SRSF11: variants seen among roughly 807,000 people sequenced by gnomAD.
SRSF11 encodes the protein serine and arginine rich splicing factor 11, also known as serine/arginine-rich splicing factor 11.
A neutral mutation model predicts 56.0 loss-of-function variants in SRSF11; 9 were observed. That is an observed-to-expected ratio of 0.16 (90% CI 0.10 to 0.28). The LOEUF (loss-of-function observed/expected upper bound fraction) is 0.28, where lower values mean the gene tolerates loss of function less well. Among genes scored for constraint, SRSF11 ranks in the 10% least tolerant of loss-of-function variants. The probability of loss-of-function intolerance (pLI) is 1.00; values close to 1 mark genes in which losing one functional copy is unlikely to be tolerated. For synonymous variants in SRSF11, 222 were observed against 215.3 expected (o/e 1.03, Z -0.27); for missense variants, 421 against 600.7 (o/e 0.70, Z 3.13).
chr1:70,213,559 G>T (rs1669753794), intron 1 of SRSF11, among the ~76,000 whole-genome samples: 1 of 152,144 alleles, frequency 6.6e-6, no homozygotes, highest in Non-Finnish European at 1.5e-5. Context: ...ACAGGCTTTG[G>T]AGTGAGATGT....
At chr1:70,214,490 A>G (rs1394203669) in intron 1 of SRSF11, among the ~76,000 whole-genome samples, 1 of 152,198 alleles carries the variant, frequency 6.6e-6, no homozygotes, top group Non-Finnish European at 1.5e-5. Flanking sequence ...ATCATAAAAC[A>G]AAGTTGAAAA....
chr1:70,230,230 A>G (rs1311342113), intron 2 of SRSF11: 15 of 991,100 alleles, frequency 1.5e-5, no homozygotes, highest in Non-Finnish European at 1.8e-5. Flanking sequence ...TTAGGAATAT[A>G]CAGTATATAG....
intron 2 of SRSF11, chr1:70,230,733 A>T: frequency 8.5e-7 from 1 of 1,182,732 alleles, no homozygotes; most frequent in Non-Finnish European, 1.1e-6. Flanking sequence ...ATCTTCTATC[A>T]GGTGTCTCAC....
In SRSF11 at chr1:70,246,785, C is replaced by T. The variant is rs377476762; in HGVS notation, c.933-33C>T. Reference sequence around the variant, plus strand: ...TATAAATTGGCATCAGCTGAGTCTTCTAATGCATTCATAAATTGTGTTCAT... The same window carrying T: ...TATAAATTGGCATCAGCTGAGTCTTTTAATGCATTCATAAATTGTGTTCAT... On this transcript the variant is annotated intron_variant, in intron 8 of 11. Transcript: ENST00000370949. 1.7e-3 allele frequency: 2,559 copies of T among 1,479,990 alleles called. 6 individuals carry two copies. The highest frequency in any genetic ancestry group is 2.3e-3 in the Non-Finnish European group (2,409 of 1,068,260). The allele number at this position is 1,479,990 out of a possible 1,614,324, so 91.7% of individuals were successfully genotyped here.
intron 1 of SRSF11, 144 bp downstream of exon 1, chr1:70,221,983 T>C (rs1051805186): frequency 1.5e-4 from 206 of 1,417,740 alleles, no homozygotes; most frequent in Non-Finnish European, 1.8e-4. Flanking sequence ...TTAAGACGGT[T>C]GTGTTCCAGG....
At chr1:70,231,322 A>T (rs1672801541) in intron 2 of SRSF11, 1 of 1,155,200 alleles carries the variant, frequency 8.7e-7, no homozygotes, top group South Asian at 1.9e-5. Flanking sequence ...GGGCACATTA[A>T]CAGATTAATC....
chr1:70,246,193 T>C (rs1411472622), intron 8 of SRSF11, among the ~76,000 whole-genome samples: 1 of 152,060 alleles, frequency 6.6e-6, no homozygotes, highest in Admixed American at 6.6e-5. Flanking sequence ...ACTCTTTGCT[T>C]AGAGTCTTGG....
At chr1:70,221,168 A>T (rs1216261763), upstream of SRSF11, 2 of 157,468 alleles carry the variant, frequency 1.3e-5, no homozygotes, top group African/African-American at 4.8e-5. Context: ...TTTTTTAAAA[A>T]AAAAGTTTAT....
chr1:70,228,164 A>C (rs1383588170), intron 1 of SRSF11, among the ~76,000 whole-genome samples: 1 of 152,212 alleles, frequency 6.6e-6, no homozygotes. Context: ...AGTCTCTGAG[A>C]CTTCAGTACC....
chr1:70,221,560 G>A lies in SRSF11; in HGVS notation c.-77G>A, dbSNP rs1670627548. ...ACACCCTCCTCTCTCCCGCAATCCG[G>A]TTCCTCTTCCCCCTCCTTCTCACTG... is the stretch of plus-strand genomic sequence containing the variant. On this transcript the variant is annotated 5_prime_UTR_variant, in exon 1 of 12. Transcript: ENST00000370949. 12 of 1,521,568 alleles carry A rather than the reference G, an allele frequency of 7.9e-6. No individual in the cohort carries two copies. The highest frequency in any genetic ancestry group is 1.3e-5 in the South Asian group (1 of 76,784). The allele number at this position is 1,521,568 out of a possible 1,614,324, so 94.3% of individuals were successfully genotyped here.
At position 70,239,302 on chromosome 1, in the gene SRSF11, G is replaced by A. The variant is rs961621167; in HGVS notation, c.719-137G>A. 12 of 603,968 alleles carry A rather than the reference G, an allele frequency of 2.0e-5. No individual in the cohort carries two copies. The African/African-American group carries it at 2.3e-4, about 12-fold the overall frequency. The allele number at this position is 603,968 out of a possible 1,614,324, so 37.4% of individuals were successfully genotyped here. On this transcript the variant is annotated intron_variant, in intron 6 of 11. Transcript: ENST00000370949. Reference sequence around the variant, plus strand: ...AGATGAGGCCTCACTATATTGCCCAGGCTGGTCTTGAACTCCTGGACTGAA... The same window carrying A: ...AGATGAGGCCTCACTATATTGCCCAAGCTGGTCTTGAACTCCTGGACTGAA...
At chr1:70,215,514 TA>T (rs1334599094) in intron 1 of SRSF11, among the ~76,000 whole-genome samples, 1 of 152,200 alleles carries the variant, frequency 6.6e-6, no homozygotes, top group Non-Finnish European at 1.5e-5. Context: ...TCCAGTATGA[TA>T]TTGTTAGGTA....
At chr1:70,207,521 C>CT (rs996918724) in intron 1 of SRSF11, among the ~76,000 whole-genome samples, 4 of 147,316 alleles carry the variant, frequency 2.7e-5, no homozygotes, top group Admixed American at 6.8e-5. Context: ...TCCCAACTTG[C>CT]TTTTTTTTTT....
At chr1:70,223,212 A>G (rs531644645) in intron 1 of SRSF11, among the ~76,000 whole-genome samples, 112 of 152,342 alleles carry the variant, frequency 7.4e-4, no homozygotes, top group Non-Finnish European at 8.2e-4. Context: ...TGATTTTAAT[A>G]GTTTTATTAG....
upstream of SRSF11, among the ~76,000 whole-genome samples, chr1:70,218,406 C>T (rs1670215739): frequency 6.6e-6 from 1 of 152,176 alleles, no homozygotes; most frequent in Admixed American, 6.5e-5. Flanking sequence ...CACTTAGTTT[C>T]TCTATAGCAA....
Position 70,250,905 on chromosome 1 carries a change from A to G in SRSF11, c.*100A>G. 9.7e-7 allele frequency: 1 copy of G among 1,028,534 alleles called. No individual in the cohort carries two copies. Among genetic ancestry groups the G allele is most frequent in the Non-Finnish European group, 1.5e-6 (1 of 679,670 alleles). 63.7% of individuals were successfully genotyped at this position (1,028,534 alleles called of 1,614,324 possible). On this transcript the variant is annotated 3_prime_UTR_variant, in exon 12 of 12. Coordinates refer to ENST00000370949, the MANE Select transcript of SRSF11 (RefSeq NM_001350605.2). ...TTGTTCATCTCAAACCTAGATGTATACAGCTCTGAGTTATAAATGGTTATA... is the reference window on the plus strand; with the variant it reads ...TTGTTCATCTCAAACCTAGATGTATGCAGCTCTGAGTTATAAATGGTTATA...
At position 70,213,074 on chromosome 1, in the gene SRSF11, A is replaced by G. The variant is rs539434555; in HGVS notation, c.-26+7294A>G. ...CCTCAAAAAAAAATTTAAAAAGAAA[A>G]GATGAGGAAATTGGAGAGTTTTTTC... On this transcript the variant is annotated intron_variant, in intron 1 of 12. Transcript: ENST00000370950. 3.1e-4 allele frequency among the ~76,000 whole-genome samples: 47 copies of G among 152,266 alleles called. 1 individual carries two copies. The South Asian group carries it at 8.1e-3, about 26-fold the overall frequency.
intron 3 of SRSF11, 116 bp downstream of exon 3, chr1:70,232,493 CAT>C (rs1367384260): frequency 1.8e-5 from 13 of 720,484 alleles, no homozygotes; most frequent in East Asian, 1.5e-4. Context: ...AGCATTATCA[CAT>C]GTCTATATCA....
Position 70,230,329 on chromosome 1 carries a change from C to G in SRSF11, c.337+1774C>G. The G allele has an allele frequency of 4.8e-6, 5 of 1,047,582 alleles. 1 individual carries two copies. The South Asian group carries it at 1.5e-4, about 31-fold the overall frequency. 64.9% of individuals were successfully genotyped at this position (1,047,582 alleles called of 1,614,324 possible). Reference sequence around the variant, plus strand: ...GTATTAATGTTACCTCCAGTAAATACAATTCCCTCCAGATTTAGCTATTAC... The same window carrying G: ...GTATTAATGTTACCTCCAGTAAATAGAATTCCCTCCAGATTTAGCTATTAC... On this transcript the variant is annotated intron_variant, in intron 2 of 11. Coordinates refer to ENST00000370949, the MANE Select transcript of SRSF11 (RefSeq NM_001350605.2).
Sources: allele counts gnomAD v4.1 joint callset (sites outside exome capture counted in the v4.1 genomes callset), GRCh38; gene constraint gnomAD v4.1.1; transcripts MANE v1.5; gene names NCBI Gene and HGNC (gene_info 2026-07-23, HGNC 2026-07-21).